Variants in NKTR observed in about 807,000 individuals in gnomAD.
NKTR encodes the protein natural killer cell triggering receptor.
In NKTR, 67 loss-of-function variants were observed where a neutral mutation model predicts 156.3. The ratio of observed to expected loss-of-function variants is 0.43; its 90% CI spans 0.35 to 0.53. The LOEUF is 0.53. Ranked by LOEUF, NKTR falls within the 20% of genes least tolerant of loss-of-function variation. The probability of loss-of-function intolerance (pLI) is 0.01; values close to 1 mark genes in which losing one functional copy is unlikely to be tolerated. For synonymous variants in NKTR, 640 were observed against 596.6 expected (o/e 1.07, Z -1.06); for missense variants, 1,604 against 1,730.9 (o/e 0.93, Z 1.30).
chr3:42,622,253 T>C (rs1163465656), intron 6 of NKTR, among the ~76,000 whole-genome samples: 2 of 152,212 alleles, frequency 1.3e-5, no homozygotes, highest in South Asian at 2.1e-4. Flanking sequence ...TGGCATACTT[T>C]TAGTTATATT....
intron 6 of NKTR, among the ~76,000 whole-genome samples, chr3:42,625,320 A>G (rs1708273146): frequency 6.6e-6 from 1 of 152,170 alleles, no homozygotes; most frequent in Non-Finnish European, 1.5e-5. Flanking sequence ...GTCAGTGGTC[A>G]TTAATAATTA....
In NKTR at chr3:42,637,724, G is replaced by A. The variant is rs747942623; in HGVS notation, c.2020G>A (p.Asp674Asn). 2.5e-6 allele frequency: 4 copies of A among 1,614,022 alleles called. No individual in the cohort carries two copies. The highest frequency in any genetic ancestry group is 3.4e-6 in the Non-Finnish European group (4 of 1,179,994). ...YHKREKNSES[D>N]QSTYSKYSDR... ...TAAAAGAGAAAAAAATTCGGAAAGT[G>A]ATCAGAGCACTTATTCAAAATACAG... is the stretch of plus-strand genomic sequence containing the variant. The change falls in exon 13 of 17, where the codon GAT becomes AAT. Residue 674 changes from aspartate (D) to asparagine (N), a missense_variant. Transcript: ENST00000232978.
At position 42,646,950 on chromosome 3, in the gene NKTR, G is replaced by A. The variant is rs1207214482; in HGVS notation, c.*975G>A. ...GAGATATTGGCCACTCAAGTCTACT[G>A]TGTGTGTGTGCCTCTGGAAGAGTGA... On this transcript the variant is annotated 3_prime_UTR_variant, in exon 17 of 17. Transcript: ENST00000232978. 2.0e-5 allele frequency: 3 copies of A among 152,086 alleles called. No homozygotes were observed. Among genetic ancestry groups the A allele is most frequent in the Non-Finnish European group, 2.9e-5 (2 of 68,004 alleles). The allele number at this position is 152,086 out of a possible 1,614,324, so 9.4% of individuals were successfully genotyped here. A position where few individuals can be genotyped will look rare whatever the true frequency, so the allele number is the denominator to read the frequency against.
chr3:42,620,288 C>T (rs1432962016), intron 5 of NKTR: 1 of 1,219,046 alleles, frequency 8.2e-7, no homozygotes, highest in African/African-American at 1.6e-5. Flanking sequence ...CAAGCAATTT[C>T]TTTGAATAAA....
chr3:42,631,149 T>A, intron 7 of NKTR, 22 bp from the exon 8 acceptor site: 1 of 1,611,888 alleles, frequency 6.2e-7, no homozygotes, highest in Non-Finnish European at 8.5e-7. Flanking sequence ...ACCAGTTGTT[T>A]CTTGAATTTG....
Position 42,602,600 on chromosome 3 carries a change from C to T in NKTR, c.58+1536C>T, listed in dbSNP as rs575922028. The T allele has an allele frequency of 1.0e-4, 15 of 146,526 alleles. No individual in the cohort carries two copies. The East Asian group carries it at 3.0e-3, about 29-fold the overall frequency. The allele number at this position is 146,526 out of a possible 1,614,324, so 9.1% of individuals were successfully genotyped here. The stretch of plus-strand genomic sequence containing the variant: ...CTGGAAATTTGGTTGCCTTCTCTCT[C>T]TTTTTAATGTTTTTAGCCTTGATTG... On this transcript the variant is annotated intron_variant, in intron 2 of 16. Transcript: ENST00000232978.
chr3:42,629,550 T>G (rs1708703233), intron 6 of NKTR: 2 of 984,652 alleles, frequency 2.0e-6, no homozygotes, highest in Non-Finnish European at 2.4e-6. Flanking sequence ...ATATGGCAGC[T>G]TCTAGTACAG....
chr3:42,635,741 A>G (rs894362802), intron 12 of NKTR, among the ~76,000 whole-genome samples: 13 of 151,616 alleles, frequency 8.6e-5, no homozygotes, highest in Middle Eastern at 3.4e-3. Flanking sequence ...CCCCATCTCT[A>G]CTAAAAATAC....
intron 2 of NKTR, among the ~76,000 whole-genome samples, chr3:42,607,245 T>G (rs745507879): frequency 6.6e-6 from 1 of 152,256 alleles, no homozygotes; most frequent in Non-Finnish European, 1.5e-5. Flanking sequence ...GTGCGGCTCT[T>G]AACAGAAAGA....
Position 42,643,976 on chromosome 3 carries a change from G to A in NKTR, c.4274G>A (p.Arg1425Gln), listed in dbSNP as rs200375387. The A allele has an allele frequency of 8.1e-6, 13 of 1,613,874 alleles. No homozygotes were observed. The highest frequency in any genetic ancestry group is 3.3e-5 in the South Asian group (3 of 91,074). Residue 1425 changes from arginine (R) to glutamine (Q), a missense_variant, in exon 16 of 17, where the codon CGA becomes CAA. Around this residue, in one of 6 missense-constraint regions of NKTR, gnomAD observed 193 missense variants for 220.2 expected, o/e 0.88. Coordinates refer to ENST00000232978, the MANE Select transcript of NKTR (RefSeq NM_005385.4). The stretch of plus-strand genomic sequence containing the variant: ...AGCCAGAGAAGTGACAGTTACCACC[G>A]AGGCAGAAGTTATAATCGGCGGTCC... ...SRSQRSDSYH[R>Q]GRSYNRRSRS...
intron 9 of NKTR, 52 bp from the exon 10 acceptor site, chr3:42,633,528 T>C: frequency 6.4e-7 from 1 of 1,568,294 alleles, no homozygotes; most frequent in Non-Finnish European, 8.6e-7. Context: ...TGTGCTTTTA[T>C]TATGAAATGC....
chr3:42,637,888 A>T lies in NKTR; in HGVS notation c.2184A>T (p.Ser728=), dbSNP rs1415772319. 6.2e-7 allele frequency: 1 copy of T among 1,614,116 alleles called. No homozygotes were observed. Among genetic ancestry groups the T allele is most frequent in the South Asian group, 1.1e-5 (1 of 91,086 alleles). ...RSRSPSSRSH[S]RNKYSDHSQC... ...GGTCTCCATCATCTAGATCTCATTCACGAAATAAATACAGTGATCATTCAC... is the reference window on the plus strand; with the variant it reads ...GGTCTCCATCATCTAGATCTCATTCTCGAAATAAATACAGTGATCATTCAC... Residue 728 remains serine (S), a synonymous_variant, in exon 13 of 17, where the codon TCA becomes TCT. Transcript: ENST00000232978.
chr3:42,630,717 G>A, intron 7 of NKTR, 142 bp downstream of exon 7: 2 of 1,458,748 alleles, frequency 1.4e-6, no homozygotes, highest in Middle Eastern at 3.7e-4. Flanking sequence ...TAGGATCACA[G>A]AATATACTTG....
At chr3:42,606,170 C>T (rs943329951) in intron 2 of NKTR, among the ~76,000 whole-genome samples, 9 of 152,020 alleles carry the variant, frequency 5.9e-5, no homozygotes, top group South Asian at 2.1e-4. Context: ...GATTTTATAA[C>T]GTCCTCTTAT....
At chr3:42,635,538 T>G in intron 12 of NKTR, 172 bp downstream of exon 12, 1 of 476,172 alleles carries the variant, frequency 2.1e-6, no homozygotes, top group Admixed American at 4.2e-5. Context: ...TGTTAACTAG[T>G]TGGGCTTTTA....
chr3:42,630,412 TCATGTTTAAC>T, intron 6 of NKTR, 124 bp from the exon 7 acceptor site: 1 of 1,507,102 alleles, frequency 6.6e-7, no homozygotes. Flanking sequence ...TAGATATATA[TCATGTTTAAC>T]TTTTTCCCCT....
chr3:42,628,126 A>C (rs1708567985), intron 6 of NKTR: 1 of 984,766 alleles, frequency 1.0e-6, no homozygotes, highest in Non-Finnish European at 1.2e-6. Context: ...TTTGTTAAAT[A>C]CTTTTAGTAT....
intron 13 of NKTR, among the ~76,000 whole-genome samples, chr3:42,641,313 T>C (rs895973453): frequency 3.9e-5 from 6 of 152,316 alleles, no homozygotes; most frequent in African/African-American, 1.2e-4. Context: ...CTTGCAGATA[T>C]ACTGGAAGCA....
In NKTR at chr3:42,645,208, A is replaced by T. The variant is rs183612371; in HGVS notation, c.4302-680A>T. On this transcript the variant is annotated intron_variant, in intron 16 of 16. Transcript: ENST00000232978. ...CCCCATTACTTTTCTCAGGTAATCT[A>T]TTCAAATATTGATACTCATTTTGGG... Among the ~76,000 whole-genome samples, 108 of 150,826 alleles carry T rather than the reference A, an allele frequency of 7.2e-4. 2 individuals carry two copies. Among genetic ancestry groups the T allele is most frequent in the African/African-American group, 2.6e-3 (106 of 40,960 alleles).
Sources: allele counts gnomAD v4.1 joint callset (sites outside exome capture counted in the v4.1 genomes callset), GRCh38; gene constraint gnomAD v4.1.1; regional missense constraint gnomAD v4.1.1; transcripts MANE v1.5; gene names NCBI Gene and HGNC (gene_info 2026-07-23, HGNC 2026-07-21).